The following RTN4IP1 variants were observed in gnomAD, a reference collection of about 807,000 sequenced individuals.
The protein encoded by RTN4IP1 is NAD(P)H oxidoreductase RTN4IP1, mitochondrial.
A neutral mutation model predicts 46.6 loss-of-function variants in RTN4IP1; 32 were observed. The ratio of observed to expected loss-of-function variants is 0.69; its 90% CI spans 0.52 to 0.92. The LOEUF (loss-of-function observed/expected upper bound fraction) is 0.92, where lower values mean the gene tolerates loss of function less well. Ranked by LOEUF, RTN4IP1 falls within the 40% of genes least tolerant of loss-of-function variation. The pLI is 0.00. For missense variants in RTN4IP1, 424 were observed against 485.8 expected, an observed-to-expected ratio of 0.87 and a Z score of 1.20; for synonymous variants, 167 against 161.8, an observed-to-expected ratio of 1.03 and a Z score of -0.24.
chr6:106,626,712 G>A (rs1006664871), intron 1 of RTN4IP1, among the ~76,000 whole-genome samples: 1 of 152,202 alleles, frequency 6.6e-6, no homozygotes, highest in African/African-American at 2.4e-5. Flanking sequence ...CCTGTTTGGT[G>A]ACACGGATGA....
At chr6:106,614,499 A>T (rs1776301341) in intron 4 of RTN4IP1, among the ~76,000 whole-genome samples, 1 of 152,192 alleles carries the variant, frequency 6.6e-6, no homozygotes, top group South Asian at 2.1e-4. Context: ...CTGGGAGTAG[A>T]TGAGATAACC....
At chr6:106,599,418 CTACT>C (rs2114651341) in intron 5 of RTN4IP1, among the ~76,000 whole-genome samples, 1 of 150,652 alleles carries the variant, frequency 6.6e-6, no homozygotes, top group Admixed American at 6.6e-5. Flanking sequence ...TAAAAAGTAA[CTACT>C]AACTGGACCT....
intron 5 of RTN4IP1, among the ~76,000 whole-genome samples, chr6:106,596,659 C>T (rs1489379152): frequency 2.0e-5 from 3 of 152,138 alleles, no homozygotes; most frequent in African/African-American, 7.2e-5. Flanking sequence ...CCTTCTAAGC[C>T]CTCATTTAGT....
intron 1 of RTN4IP1, among the ~76,000 whole-genome samples, chr6:106,628,419 G>A (rs573805988): frequency 9.9e-5 from 15 of 151,928 alleles, no homozygotes; most frequent in African/African-American, 3.6e-4. Context: ...AGTGAGCTGA[G>A]ATCAGGCCAC....
At chr6:106,623,767 G>A (rs72945081) in intron 1 of RTN4IP1, among the ~76,000 whole-genome samples, 5,930 of 152,154 alleles carry the variant, frequency 0.039, 165 homozygotes, top group Non-Finnish European at 0.059. Flanking sequence ...CTTTATTAAC[G>A]TATTCATGTC....
intron 4 of RTN4IP1, among the ~76,000 whole-genome samples, chr6:106,613,813 G>A (rs1015605958): frequency 6.6e-6 from 1 of 152,126 alleles, no homozygotes. Flanking sequence ...GCTACTTGGA[G>A]GCTTCATCTG....
chr6:106,586,970 A>G (rs1775501767), intron 7 of RTN4IP1, among the ~76,000 whole-genome samples: 1 of 152,172 alleles, frequency 6.6e-6, no homozygotes, highest in Admixed American at 6.5e-5. Flanking sequence ...CCTGTTTCTG[A>G]GTCAGGCTGA....
intron 1 of RTN4IP1, among the ~76,000 whole-genome samples, chr6:106,628,329 T>A (rs1776706824): frequency 6.6e-6 from 1 of 151,624 alleles, no homozygotes; most frequent in African/African-American, 2.4e-5. Flanking sequence ...TAGCCCGGTG[T>A]GGTGGCATGC....
At chr6:106,604,417 T>C (rs1776011228) in intron 4 of RTN4IP1, among the ~76,000 whole-genome samples, 1 of 152,080 alleles carries the variant, frequency 6.6e-6, no homozygotes, top group Non-Finnish European at 1.5e-5. Context: ...TACCCCAGAG[T>C]ATGTCACTTT....
intron 8 of RTN4IP1, among the ~76,000 whole-genome samples, chr6:106,574,309 GGT>G (rs1775163959): frequency 6.6e-6 from 1 of 152,066 alleles, no homozygotes; most frequent in Admixed American, 6.5e-5. Context: ...TGGGTGTGGT[GGT>G]GTGTGTCTGT....
intron 5 of RTN4IP1, among the ~76,000 whole-genome samples, 159 bp from the exon 6 acceptor site, chr6:106,592,459 T>C (rs1775687206): frequency 6.6e-6 from 1 of 152,232 alleles, no homozygotes; most frequent in Non-Finnish European, 1.5e-5. Context: ...GGAAGCCATC[T>C]GTCAGAGACT....
At position 106,618,880 on chromosome 6, in the gene RTN4IP1, T is replaced by TA. The variant is rs567869424; in HGVS notation, c.620+321dup. ...TTCTTAACCTTTTTAGGAATTTCAT[T>TA]AAAAAAAAGATATGGATCTTCTTCC... On this transcript the variant is annotated intron_variant, in intron 4 of 8. Coordinates refer to ENST00000369063, the MANE Select transcript of RTN4IP1 (RefSeq NM_032730.5). Among the ~76,000 whole-genome samples the TA allele has an allele frequency of 7.6e-3, 1,151 of 152,052 alleles. 21 individuals carry two copies. The highest frequency in any genetic ancestry group is 0.027 in the African/African-American group (1,107 of 41,484).
chr6:106,612,065 T>A (rs1562149689), intron 4 of RTN4IP1, among the ~76,000 whole-genome samples: 1 of 152,072 alleles, frequency 6.6e-6, no homozygotes, highest in Non-Finnish European at 1.5e-5. Context: ...GTTCCTTCAA[T>A]CTTATACAGA....
intron 5 of RTN4IP1, among the ~76,000 whole-genome samples, chr6:106,598,851 TC>T (rs1775872608): frequency 1.3e-5 from 2 of 152,080 alleles, no homozygotes; most frequent in South Asian, 4.1e-4. Flanking sequence ...AAATCTTTAA[TC>T]CATCTTGAAT....
chr6:106,574,854 G>C (rs539438684), intron 8 of RTN4IP1, among the ~76,000 whole-genome samples: 2 of 152,352 alleles, frequency 1.3e-5, no homozygotes, highest in Admixed American at 1.3e-4. Flanking sequence ...TGATGACACA[G>C]GCAGCTTACA....
Position 106,597,507 on chromosome 6 carries a change from C to A in RTN4IP1, c.670-5207G>T, listed in dbSNP as rs766841871. Among the ~76,000 whole-genome samples the A allele has an allele frequency of 4.2e-4, 64 of 152,122 alleles. 1 individual carries two copies. Among genetic ancestry groups the A allele is most frequent in the Non-Finnish European group, 7.5e-4 (51 of 67,964 alleles). On this transcript the variant is annotated intron_variant, in intron 5 of 8. Transcript: ENST00000369063. ...TACAGGTATGAGCCACCATGCCCAG[C>A]TAATTTTTGTATTTTTTGTAGAGAC...
intron 5 of RTN4IP1, among the ~76,000 whole-genome samples, chr6:106,598,133 G>A (rs1775847228): frequency 6.6e-6 from 1 of 151,988 alleles, no homozygotes; most frequent in African/African-American, 2.4e-5. Flanking sequence ...CTTTGCTATT[G>A]TGAATAATGC....
At chr6:106,576,832 T>C (rs1375940892) in intron 8 of RTN4IP1, among the ~76,000 whole-genome samples, 1 of 152,234 alleles carries the variant, frequency 6.6e-6, no homozygotes, top group African/African-American at 2.4e-5. Flanking sequence ...TCTCTATCAC[T>C]GCACAAAGTT....
intron 5 of RTN4IP1, among the ~76,000 whole-genome samples, chr6:106,599,539 T>C (rs1314552123): frequency 2.0e-5 from 3 of 151,740 alleles, no homozygotes; most frequent in African/African-American, 7.2e-5. Flanking sequence ...TGTCATTAAA[T>C]GGAACGATAT....
Sources: allele counts gnomAD v4.1 joint callset (sites outside exome capture counted in the v4.1 genomes callset), GRCh38; gene constraint gnomAD v4.1.1; transcripts MANE v1.5; gene names NCBI Gene and HGNC (gene_info 2026-07-23, HGNC 2026-07-21).